The following AKAP10 variants were observed in gnomAD, a reference collection of about 807,000 sequenced individuals.
AKAP10 encodes A-kinase anchor protein 10, mitochondrial.
Under a neutral mutation model 80.8 loss-of-function variants are expected in AKAP10, and 24 were observed. The ratio of observed to expected loss-of-function variants is 0.30; its 90% CI spans 0.22 to 0.42. AKAP10 has a LOEUF of 0.42. AKAP10 is among the 10% of genes least tolerant of loss of function. AKAP10 has a pLI of 1.00. For synonymous variants in AKAP10, 291 were observed against 277.7 expected, an observed-to-expected ratio of 1.05 and a Z score of -0.48; for missense variants, 661 against 794.9, an observed-to-expected ratio of 0.83 and a Z score of 2.03.
chr17:19,916,057 C>A (rs2042739098), intron 12 of AKAP10, among the ~76,000 whole-genome samples: 1 of 152,186 alleles, frequency 6.6e-6, no homozygotes, highest in African/African-American at 2.4e-5. Flanking sequence ...GTTCCTTGAT[C>A]ATGCTGAGCT....
chr17:19,960,900 CCT>C (rs1290814341), intron 3 of AKAP10, among the ~76,000 whole-genome samples: 1 of 152,090 alleles, frequency 6.6e-6, no homozygotes, highest in East Asian at 1.9e-4. Flanking sequence ...ATGGCAGGCA[CCT>C]GTCATCCCAG....
chr17:19,910,325 CAAA>C (rs3031068), intron 12 of AKAP10, among the ~76,000 whole-genome samples: 1 of 90,656 alleles, frequency 1.1e-5, no homozygotes. Context: ...GACTCCAACT[CAAA>C]AAAAAAAAAA....
At position 19,946,264 on chromosome 17, in the gene AKAP10, TATATATATA is replaced by T. The variant is rs1567765920; in HGVS notation, c.976+1134_976+1142del. On this transcript the variant is annotated intron_variant, in intron 5 of 14. Coordinates refer to ENST00000225737, the MANE Select transcript of AKAP10 (RefSeq NM_007202.4). ...ATATATATATATATATATATATATA[TATATATATA>T]TATTTTTTTTTTTTTTTTTTTTTTT... Among the ~76,000 whole-genome samples, 181 of 31,326 alleles carry T rather than the reference TATATATATA, an allele frequency of 5.8e-3. 14 individuals are homozygous for T. The highest frequency in any genetic ancestry group is 0.018 in the African/African-American group (142 of 7,796). 20.6% of individuals were successfully genotyped at this position (31,326 alleles called of 152,430 possible). A position where few individuals can be genotyped will look rare whatever the true frequency, so the allele number is the denominator to read the frequency against.
At chr17:19,939,419 G>T (rs1489485385) in intron 8 of AKAP10, among the ~76,000 whole-genome samples, 1 of 152,068 alleles carries the variant, frequency 6.6e-6, no homozygotes, top group African/African-American at 2.4e-5. Flanking sequence ...TGCCTTCTCT[G>T]GGTAGCAAAA....
intron 10 of AKAP10, among the ~76,000 whole-genome samples, chr17:19,925,228 C>T (rs956714172): frequency 1.3e-5 from 2 of 152,052 alleles, no homozygotes; most frequent in African/African-American, 2.4e-5. Flanking sequence ...TTCTTAACGA[C>T]CTAAGTTCCA....
intron 8 of AKAP10, among the ~76,000 whole-genome samples, chr17:19,937,204 G>A (rs1366571568): frequency 6.6e-6 from 1 of 152,080 alleles, no homozygotes; most frequent in Non-Finnish European, 1.5e-5. Context: ...GCATATATAT[G>A]ATACAAAAAC....
chr17:19,975,917 T>A (rs1320857309), intron 1 of AKAP10, among the ~76,000 whole-genome samples: 1 of 152,230 alleles, frequency 6.6e-6, no homozygotes, highest in African/African-American at 2.4e-5. Flanking sequence ...CTATTAGGTA[T>A]ACCCCTGCCT....
intron 7 of AKAP10, 126 bp from the exon 8 acceptor site, chr17:19,939,975 G>C: frequency 2.0e-6 from 2 of 996,494 alleles, no homozygotes; most frequent in Non-Finnish European, 2.8e-6. Flanking sequence ...TACTTCTTCT[G>C]TTAACACCTG....
At chr17:19,923,383 C>T (rs535217702) in intron 11 of AKAP10, among the ~76,000 whole-genome samples, 9 of 151,778 alleles carry the variant, frequency 5.9e-5, no homozygotes, top group African/African-American at 1.7e-4. Flanking sequence ...CGGCCTTGTC[C>T]GTTATTTTCT....
intron 3 of AKAP10, 68 bp downstream of exon 3, chr17:19,962,772 G>A: frequency 2.0e-6 from 3 of 1,480,894 alleles, no homozygotes; most frequent in Non-Finnish European, 2.8e-6. Context: ...TGTATCCTAT[G>A]ACAGAAGTTT....
chr17:19,946,261 AT>A (rs1324593696), intron 5 of AKAP10, among the ~76,000 whole-genome samples: 6 of 25,754 alleles, frequency 2.3e-4, no homozygotes, highest in African/African-American at 8.3e-4. Context: ...ATATATATAT[AT>A]ATATATATAT....
At chr17:19,943,376 G>A (rs941312270) in intron 5 of AKAP10, among the ~76,000 whole-genome samples, 9 of 152,162 alleles carry the variant, frequency 5.9e-5, no homozygotes, top group Non-Finnish European at 1.2e-4. Flanking sequence ...CCGGGATGAG[G>A]GGGCTGAAGG....
rs1380911419 is a variant in AKAP10, at chr17:19,940,893, G to C, written c.1179C>G (p.Phe393Leu). 5.0e-6 allele frequency: 8 copies of C among 1,599,446 alleles called. No homozygotes were observed. The highest frequency in any genetic ancestry group is 1.4e-5 in the African/African-American group (1 of 74,028). The change falls in exon 7 of 15, where the codon TTC (phenylalanine) becomes TTG (leucine). Residue 393 changes from phenylalanine to leucine, a missense_variant. Phe to Leu is a conservative substitution (Grantham distance 22). Transcript: ENST00000225737. ...ILFCESALFY[F>L]SEYMEKEDAV... is the part of the protein sequence containing the mutation. Reference sequence around the variant, plus strand: ...AAAGAAATGCAGACTTTACCTCAGAGAAATAAAAGAGGGCTGACTCACAGA... The same window carrying C: ...AAAGAAATGCAGACTTTACCTCAGACAAATAAAAGAGGGCTGACTCACAGA...
At chr17:19,960,160 T>C (rs2043331310) in intron 3 of AKAP10, among the ~76,000 whole-genome samples, 2 of 152,314 alleles carry the variant, frequency 1.3e-5, no homozygotes, top group South Asian at 2.1e-4. Context: ...TATAGTACAA[T>C]ATCACTCTAA....
intron 11 of AKAP10, among the ~76,000 whole-genome samples, chr17:19,920,670 C>T (rs2042800112): frequency 6.6e-6 from 1 of 151,790 alleles, no homozygotes; most frequent in Non-Finnish European, 1.5e-5. Flanking sequence ...TGGTGAAACC[C>T]TGTCTCTACT....
intron 10 of AKAP10, among the ~76,000 whole-genome samples, chr17:19,927,172 C>T (rs1005342666): frequency 1.3e-5 from 2 of 151,738 alleles, no homozygotes; most frequent in Non-Finnish European, 2.9e-5. Context: ...TCTGTCTCTA[C>T]AAACAGAAAA....
intron 2 of AKAP10, among the ~76,000 whole-genome samples, chr17:19,966,371 C>T (rs1246459817): frequency 6.6e-6 from 1 of 152,104 alleles, no homozygotes; most frequent in Admixed American, 6.6e-5. Flanking sequence ...ATTAATGTTC[C>T]TCTCCCCTAC....
intron 12 of AKAP10, among the ~76,000 whole-genome samples, chr17:19,916,869 A>G (rs1182895482): frequency 6.6e-6 from 1 of 151,926 alleles, no homozygotes; most frequent in African/African-American, 2.4e-5. Context: ...CCTGGCAGGC[A>G]GAGCTTGCAG....
intron 11 of AKAP10, among the ~76,000 whole-genome samples, chr17:19,920,855 C>CAAAAAAAAAAAAAAAAACAAAAAAAAA (rs2042802754): frequency 2.8e-5 from 1 of 35,324 alleles, no homozygotes; most frequent in African/African-American, 1.2e-4. Context: ...GACTCTATCT[C>CAAAAAAAAAAAAAAAAACAAAAAAAAA]AAAAAAAAAA....
Sources: gnomAD v4.1 joint callset for allele counts (sites outside exome capture counted in the v4.1 genomes callset) on GRCh38, gnomAD v4.1.1 for gene constraint, MANE v1.5 for transcripts, NCBI Gene and HGNC (gene_info 2026-07-23, HGNC 2026-07-21) for gene names.